Variants in LIG1 observed in about 807,000 individuals in gnomAD.
The protein encoded by LIG1 is DNA ligase 1, also known as ligase I, DNA, ATP-dependent.
In LIG1, 70 loss-of-function variants were observed where a neutral mutation model predicts 115.7. The ratio of observed to expected loss-of-function variants is 0.60; its 90% confidence interval spans 0.50 to 0.74. The LOEUF (loss-of-function observed/expected upper bound fraction) is 0.74. Ranked by LOEUF, LIG1 falls within the 30% of genes least tolerant of loss-of-function variation. LIG1 has a pLI of 0.00. For missense variants in LIG1, 1,115 were observed against 1,225.6 expected, an observed-to-expected ratio of 0.91 and a Z score of 1.35; for synonymous variants, 487 against 495.3, an observed-to-expected ratio of 0.98 and a Z score of 0.22.
At chr19:48,120,158 T>C (rs1195550829) in intron 24 of LIG1, 5 of 984,526 alleles carry the variant, frequency 5.1e-6, no homozygotes, top group Non-Finnish European at 6.0e-6. Context: ...CACTAAGTAA[T>C]CACATTACCC....
At chr19:48,138,987 T>C (rs1182337426) in intron 12 of LIG1, among the ~76,000 whole-genome samples, 1 of 152,120 alleles carries the variant, frequency 6.6e-6, no homozygotes, top group Non-Finnish European at 1.5e-5. Flanking sequence ...CCCTCTGTCC[T>C]CTCATGAAAG....
intron 2 of LIG1, 125 bp downstream of exon 2, chr19:48,165,425 A>G (rs1172200290): frequency 1.2e-6 from 1 of 825,446 alleles, no homozygotes; most frequent in Non-Finnish European, 2.1e-6. Context: ...TGACTCCTGG[A>G]AATTCCAACT....
At chr19:48,148,910 C>T (rs1260278760) in intron 9 of LIG1, among the ~76,000 whole-genome samples, 1 of 152,240 alleles carries the variant, frequency 6.6e-6, no homozygotes, top group African/African-American at 2.4e-5. Flanking sequence ...GGCCGGCTCT[C>T]TATGGTTCAT....
intron 25 of LIG1, 89 bp downstream of exon 25, chr19:48,119,048 T>G: frequency 9.1e-7 from 1 of 1,101,040 alleles, no homozygotes; most frequent in East Asian, 2.6e-5. Flanking sequence ...CCCAAGATGG[T>G]GGAAGCCAAG....
chr19:48,148,616 A>AT (rs1491392358), intron 9 of LIG1, among the ~76,000 whole-genome samples: 2 of 152,124 alleles, frequency 1.3e-5, no homozygotes, highest in African/African-American at 4.8e-5. Context: ...GAAGCCCAGC[A>AT]TATCCTCTAT....
chr19:48,133,352 A>G, intron 17 of LIG1: 1 of 517,474 alleles, frequency 1.9e-6, no homozygotes, highest in Non-Finnish European at 3.5e-6. Context: ...CCTTGCAAGG[A>G]ATCTGGTTGC....
intron 2 of LIG1, among the ~76,000 whole-genome samples, chr19:48,164,383 C>G (rs2036360617): frequency 6.6e-6 from 1 of 152,178 alleles, no homozygotes; most frequent in East Asian, 1.9e-4. Context: ...CTCTACCATC[C>G]ATTTTTTCCT....
At chr19:48,157,512 G>T (rs2035926495) in intron 4 of LIG1, among the ~76,000 whole-genome samples, 1 of 152,048 alleles carries the variant, frequency 6.6e-6, no homozygotes, top group Non-Finnish European at 1.5e-5. Flanking sequence ...GATGTCAGGG[G>T]AAATGATGTA....
chr19:48,143,673 C>T, intron 10 of LIG1, 74 bp from the exon 11 acceptor site: 1 of 1,329,714 alleles, frequency 7.5e-7, no homozygotes, highest in Non-Finnish European at 1.1e-6. Context: ...ACCCTTGCTT[C>T]CTCACGCCTC....
intron 11 of LIG1, among the ~76,000 whole-genome samples, chr19:48,142,401 C>T (rs1254824892): frequency 2.2e-5 from 3 of 136,882 alleles, no homozygotes; most frequent in African/African-American, 8.2e-5. Flanking sequence ...CGAGATTGCG[C>T]CACTGCACTC....
At chr19:48,135,805 T>C (rs375444228) in intron 15 of LIG1, 26 bp from the exon 16 acceptor site, 1 of 1,592,046 alleles carries the variant, frequency 6.3e-7, no homozygotes, top group South Asian at 1.1e-5. Context: ...CCAGAGGCTT[T>C]GGAAGGCACC....
chr19:48,154,048 A>G (rs1276062983), intron 5 of LIG1, 81 bp from the exon 6 acceptor site: 1 of 1,158,916 alleles, frequency 8.6e-7, no homozygotes, highest in Non-Finnish European at 1.3e-6. Flanking sequence ...CCACTGATGT[A>G]GCCTCTGGAA....
Position 48,142,644 on chromosome 19 carries a change from TTTTG to T in LIG1, c.914+895_914+898del, listed in dbSNP as rs1375882300. Among the ~76,000 whole-genome samples the T allele has an allele frequency of 1.2e-4, 18 of 151,768 alleles. 1 individual carries two copies. The highest frequency in any genetic ancestry group is 1.8e-4 in the Non-Finnish European group (12 of 67,970). ...GCAGAATGAGCCGTACCCATGATAATTTTGTTTGTTTGTTTTTGAGACAGAGTCT... is the reference window on the plus strand; with the variant it reads ...GCAGAATGAGCCGTACCCATGATAATTTTGTTTGTTTTTGAGACAGAGTCT... On this transcript the variant is annotated intron_variant, in intron 11 of 27. Coordinates refer to ENST00000263274, the MANE Select transcript of LIG1 (RefSeq NM_000234.3).
At chr19:48,143,657 G>A (rs1245560051) in intron 10 of LIG1, 58 bp from the exon 11 acceptor site, 8 of 1,464,786 alleles carry the variant, frequency 5.5e-6, no homozygotes, top group Admixed American at 1.7e-5. Flanking sequence ...CATGCTGCCC[G>A]TCTGCACCCT....
At chr19:48,150,365 G>T (rs1052897399) in intron 7 of LIG1, among the ~76,000 whole-genome samples, 155 bp from the exon 8 acceptor site, 1 of 152,024 alleles carries the variant, frequency 6.6e-6, no homozygotes, top group Non-Finnish European at 1.5e-5. Flanking sequence ...TGAGATCTCA[G>T]GCCTGCTGTC....
chr19:48,162,465 G>A (rs899924756), intron 2 of LIG1, 114 bp from the exon 3 acceptor site: 24 of 735,990 alleles, frequency 3.3e-5, no homozygotes, highest in Non-Finnish European at 4.2e-5. Context: ...ACAGAGTCTC[G>A]CTCTGTAGCC....
At chr19:48,142,340 G>A (rs1381267253) in intron 11 of LIG1, among the ~76,000 whole-genome samples, 1 of 151,340 alleles carries the variant, frequency 6.6e-6, no homozygotes, top group East Asian at 2.0e-4. Context: ...CTACTCGGGA[G>A]GCTGAGGCAG....
intron 2 of LIG1, among the ~76,000 whole-genome samples, chr19:48,165,233 T>C (rs1568559703): frequency 6.6e-6 from 1 of 151,708 alleles, no homozygotes; most frequent in Non-Finnish European, 1.5e-5. Context: ...TACTCCAGCC[T>C]GGGTGACAGA....
chr19:48,132,969 C>T lies in LIG1; in HGVS notation c.1725+13G>A. 1 of 1,572,966 alleles carries T rather than the reference C, an allele frequency of 6.4e-7. No homozygotes were observed. Among genetic ancestry groups the T allele is most frequent in the Non-Finnish European group, 8.8e-7 (1 of 1,142,654 alleles). On this transcript the variant is annotated intron_variant, in intron 18 of 27. Coordinates refer to ENST00000263274, the MANE Select transcript of LIG1 (RefSeq NM_000234.3). The stretch of plus-strand genomic sequence containing the variant: ...TTCCTGTCTGTGGAAGGGACATGTC[C>T]CACTCCCCATACCTGTGCCCTCTGC...
Sources: allele counts gnomAD v4.1 joint callset (sites outside exome capture counted in the v4.1 genomes callset), GRCh38; gene constraint gnomAD v4.1.1; transcripts MANE v1.5; gene names NCBI Gene and HGNC (gene_info 2026-07-23, HGNC 2026-07-21).